Variants in FHIT observed in about 807,000 individuals in gnomAD.
FHIT encodes the protein fragile histidine triad diadenosine triphosphatase, also known as bis(5'-adenosyl)-triphosphatase.
Under a neutral mutation model 17.9 loss-of-function variants are expected in FHIT, and 19 were observed. That is an observed-to-expected ratio of 1.06 (90% confidence interval 0.74 to 1.56). The LOEUF (loss-of-function observed/expected upper bound fraction) is 1.56. FHIT is among the 40% of genes most tolerant of loss of function. The pLI, the probability that FHIT is intolerant of heterozygous loss-of-function variation, is 0.00. For synonymous variants in FHIT, 81 were observed against 69.7 expected, an observed-to-expected ratio of 1.16 and a Z score of -0.81; for missense variants, 248 against 189.2, an observed-to-expected ratio of 1.31 and a Z score of -1.82.
intron 2 of FHIT, among the ~76,000 whole-genome samples, chr3:61,096,667 G>A (rs1480249573): frequency 6.6e-6 from 1 of 152,136 alleles, no homozygotes; most frequent in Non-Finnish European, 1.5e-5. Context: ...CTTTATTCTG[G>A]TACAGCCACC....
At chr3:61,205,507 T>C (rs553302978) in intron 1 of FHIT, among the ~76,000 whole-genome samples, 4 of 152,284 alleles carry the variant, frequency 2.6e-5, no homozygotes, top group Admixed American at 1.3e-4. Context: ...TTTTAATGAT[T>C]GCCATTCTAA....
intron 5 of FHIT, among the ~76,000 whole-genome samples, chr3:60,438,088 A>G (rs1330120410): frequency 2.0e-5 from 3 of 152,080 alleles, no homozygotes; most frequent in Admixed American, 6.6e-5. Flanking sequence ...TCCTTGGGAT[A>G]TGGCAACTGT....
At position 60,017,106 on chromosome 3, in the gene FHIT, A is replaced by G. The variant is rs149803214; in HGVS notation, c.104-2954T>C. Among the ~76,000 whole-genome samples, 857 of 152,314 alleles carry G rather than the reference A, an allele frequency of 5.6e-3. 6 individuals carry two copies. Among genetic ancestry groups the G allele is most frequent in the South Asian group, 0.028 (136 of 4,824 alleles). The stretch of plus-strand genomic sequence containing the variant: ...TGATGTCATGCTTGTTAGAGCTTTC[A>G]TGACTCCATTTTTGCCTAGCCTCTT... On this transcript the variant is annotated intron_variant, in intron 5 of 9. Transcript: ENST00000492590.
At chr3:61,213,188 C>G (rs1342563951) in intron 1 of FHIT, among the ~76,000 whole-genome samples, 1 of 152,134 alleles carries the variant, frequency 6.6e-6, no homozygotes, top group Admixed American at 6.6e-5. Flanking sequence ...ACTAAATGTT[C>G]CAATTAAAAG....
intron 4 of FHIT, among the ~76,000 whole-genome samples, chr3:60,578,741 A>G (rs2037656290): frequency 6.6e-6 from 1 of 152,174 alleles, no homozygotes; most frequent in Non-Finnish European, 1.5e-5. Flanking sequence ...TTAATATTCT[A>G]AAATAAATGA....
intron 4 of FHIT, among the ~76,000 whole-genome samples, chr3:60,750,591 A>G (rs1553716557): frequency 2.0e-5 from 3 of 152,082 alleles, no homozygotes; most frequent in African/African-American, 7.2e-5. Context: ...GTAAGATGTG[A>G]CTTGCTCCTC....
chr3:60,715,459 A>C (rs888225246), intron 4 of FHIT, among the ~76,000 whole-genome samples: 1 of 152,122 alleles, frequency 6.6e-6, no homozygotes, highest in African/African-American at 2.4e-5. Context: ...TGATGAGTTC[A>C]TGTCCTTTGT....
intron 3 of FHIT, among the ~76,000 whole-genome samples, chr3:60,934,301 A>G (rs1708092255): frequency 6.6e-6 from 1 of 152,200 alleles, no homozygotes; most frequent in East Asian, 1.9e-4. Context: ...AAAGAAAAGA[A>G]AAAATAACTG....
At chr3:60,946,387 T>C (rs552180229) in intron 3 of FHIT, among the ~76,000 whole-genome samples, 1 of 152,324 alleles carries the variant, frequency 6.6e-6, no homozygotes, top group East Asian at 1.9e-4. Context: ...ACATTTAGCA[T>C]CCTTAACTTC....
intron 5 of FHIT, among the ~76,000 whole-genome samples, chr3:60,463,281 G>C (rs1288584979): frequency 6.6e-6 from 1 of 152,090 alleles, no homozygotes; most frequent in Non-Finnish European, 1.5e-5. Flanking sequence ...ATCAGCTTTG[G>C]TTTTCTGAAG....
intron 8 of FHIT, among the ~76,000 whole-genome samples, chr3:59,883,177 T>A (rs1156276677): frequency 6.6e-6 from 1 of 152,154 alleles, no homozygotes; most frequent in Non-Finnish European, 1.5e-5. Context: ...AATTTGAAAG[T>A]AATAAATATT....
chr3:60,604,796 G>C (rs1553670405), intron 4 of FHIT, among the ~76,000 whole-genome samples: 1 of 152,140 alleles, frequency 6.6e-6, no homozygotes. Flanking sequence ...GATCTCTTCA[G>C]AATAGTGGGC....
intron 5 of FHIT, among the ~76,000 whole-genome samples, chr3:60,041,652 G>A (rs1035776434): frequency 5.3e-5 from 8 of 152,296 alleles, no homozygotes; most frequent in African/African-American, 1.7e-4. Flanking sequence ...AGAAGGAGAA[G>A]AAATGTTCAC....
chr3:60,773,309 T>C (rs1188816988), intron 4 of FHIT, among the ~76,000 whole-genome samples: 1 of 152,244 alleles, frequency 6.6e-6, no homozygotes, highest in Non-Finnish European at 1.5e-5. Context: ...AATATTTATT[T>C]ATTAGTGTAC....
intron 5 of FHIT, among the ~76,000 whole-genome samples, chr3:60,047,731 C>T (rs951893035): frequency 2.6e-5 from 4 of 152,146 alleles, no homozygotes; most frequent in Non-Finnish European, 2.9e-5. Flanking sequence ...AATAACTCTA[C>T]GAGGTAAGTA....
intron 3 of FHIT, among the ~76,000 whole-genome samples, chr3:60,836,601 G>A (rs1342611082): frequency 6.6e-6 from 1 of 152,126 alleles, no homozygotes; most frequent in African/African-American, 2.4e-5. Context: ...GATGTCTACA[G>A]GGTCAATAGT....
At chr3:59,994,613 C>T (rs1168662796) in intron 7 of FHIT, among the ~76,000 whole-genome samples, 3 of 152,194 alleles carry the variant, frequency 2.0e-5, no homozygotes, top group Admixed American at 2.0e-4. Flanking sequence ...TGCAAACCAG[C>T]CACACATTCA....
intron 5 of FHIT, among the ~76,000 whole-genome samples, chr3:60,233,837 T>C (rs115289061): frequency 1.0e-3 from 159 of 152,214 alleles, no homozygotes; most frequent in African/African-American, 3.6e-3. Context: ...CCCCTGTACA[T>C]GCCCCCTGTA....
chr3:60,747,097 G>C (rs1553715535), intron 4 of FHIT, among the ~76,000 whole-genome samples: 2 of 149,426 alleles, frequency 1.3e-5, no homozygotes, highest in East Asian at 3.9e-4. Flanking sequence ...TTAAAACTAA[G>C]ATCACAGTTC....
Sources: gnomAD v4.1 joint callset for allele counts (sites outside exome capture counted in the v4.1 genomes callset) on GRCh38, gnomAD v4.1.1 for gene constraint, MANE v1.5 for transcripts, NCBI Gene and HGNC (gene_info 2026-07-23, HGNC 2026-07-21) for gene names.